Variants in ALCAM observed in about 807,000 individuals in gnomAD.
ALCAM encodes the protein CD166 antigen.
Under a neutral mutation model 70.9 loss-of-function variants are expected in ALCAM, and 30 were observed. The observed-to-expected ratio is 0.42, with a 90% CI of 0.32 to 0.57. The LOEUF (loss-of-function observed/expected upper bound fraction) is 0.57, where lower values mean the gene tolerates loss of function less well. Among genes scored for constraint, ALCAM ranks in the 20% least tolerant of loss-of-function variants. ALCAM has a pLI of 0.11. For synonymous variants in ALCAM, 249 were observed against 242.5 expected (o/e 1.03, Z -0.25); for missense variants, 591 against 695.1 (o/e 0.85, Z 1.68).
intron 1 of ALCAM, among the ~76,000 whole-genome samples, chr3:105,510,713 A>C (rs1357573627): frequency 6.6e-6 from 1 of 152,032 alleles, no homozygotes; most frequent in African/African-American, 2.4e-5. Flanking sequence ...CTGTGTAATC[A>C]GTCTACAGGT....
At chr3:105,408,174 A>C (rs1936296216) in intron 1 of ALCAM, among the ~76,000 whole-genome samples, 1 of 150,200 alleles carries the variant, frequency 6.7e-6, no homozygotes, top group African/African-American at 2.5e-5. Flanking sequence ...CCCATCAAAA[A>C]TACCACCATT....
intron 1 of ALCAM, among the ~76,000 whole-genome samples, chr3:105,515,616 G>A (rs1345285490): frequency 6.6e-6 from 1 of 151,982 alleles, no homozygotes; most frequent in Non-Finnish European, 1.5e-5. Context: ...TGGGGGAAGA[G>A]TGGTGCTGTC....
chr3:105,488,697 A>G (rs1206739707), intron 1 of ALCAM, among the ~76,000 whole-genome samples: 5 of 141,932 alleles, frequency 3.5e-5, no homozygotes, highest in African/African-American at 1.4e-4. Context: ...AGGAAAGGAA[A>G]GAAGGGAAGG....
chr3:105,541,401 T>C (rs1266399439), intron 7 of ALCAM, among the ~76,000 whole-genome samples: 1 of 151,958 alleles, frequency 6.6e-6, no homozygotes, highest in African/African-American at 2.4e-5. Context: ...GTCAATAAAA[T>C]AAAAGTCATC....
intron 1 of ALCAM, among the ~76,000 whole-genome samples, chr3:105,441,203 C>A (rs953771002): frequency 3.9e-5 from 6 of 151,908 alleles, no homozygotes; most frequent in African/African-American, 1.5e-4. Context: ...TAATATATAA[C>A]TTTTCTTGTG....
intron 1 of ALCAM, among the ~76,000 whole-genome samples, chr3:105,400,999 G>A (rs1219136147): frequency 1.3e-5 from 2 of 152,086 alleles, no homozygotes; most frequent in African/African-American, 4.8e-5. Context: ...TATTACTAAA[G>A]ACTCTTACTA....
chr3:105,512,167 T>C (rs1279295066), intron 1 of ALCAM, among the ~76,000 whole-genome samples: 1 of 152,014 alleles, frequency 6.6e-6, no homozygotes, highest in Admixed American at 6.6e-5. Context: ...AAGATAGCTT[T>C]GATTTTCTCA....
At chr3:105,552,952 T>C (rs1288292442) in intron 14 of ALCAM, 5 of 1,043,980 alleles carry the variant, frequency 4.8e-6, no homozygotes, top group Non-Finnish European at 5.8e-6. Flanking sequence ...GTACATCTTG[T>C]AGGGACTGCC....
chr3:105,573,535 G>C (rs1238686716), intron 15 of ALCAM, among the ~76,000 whole-genome samples: 2 of 152,096 alleles, frequency 1.3e-5, no homozygotes, highest in African/African-American at 4.8e-5. Context: ...CACATATGTA[G>C]AGGCATATGA....
chr3:105,453,300 G>A (rs2152592511), intron 1 of ALCAM, among the ~76,000 whole-genome samples: 1 of 152,254 alleles, frequency 6.6e-6, no homozygotes, highest in Non-Finnish European at 1.5e-5. Context: ...TGGCTAGCCG[G>A]TTTTCCCAGC....
chr3:105,562,610 T>C (rs1358694782), intron 14 of ALCAM, among the ~76,000 whole-genome samples: 1 of 152,162 alleles, frequency 6.6e-6, no homozygotes, highest in Non-Finnish European at 1.5e-5. Flanking sequence ...TCTTATAACA[T>C]TCCCATCAAG....
In ALCAM at chr3:105,436,373, C is replaced by T. The variant is rs1290991283; in HGVS notation, c.73+68892C>T. On this transcript the variant is annotated intron_variant, in intron 1 of 15. Transcript: ENST00000306107. The stretch of plus-strand genomic sequence containing the variant: ...TTTATTTATTTTTGAGACGGAGTCT[C>T]ACTGTGTCGCCCAGGCTGGAGTGCA... 2.0e-5 allele frequency among the ~76,000 whole-genome samples: 3 copies of T among 152,040 alleles called. No individual in the cohort carries two copies. The East Asian group carries it at 5.8e-4, about 29-fold the overall frequency.
At chr3:105,377,969 A>G (rs1935419844) in intron 1 of ALCAM, among the ~76,000 whole-genome samples, 1 of 152,018 alleles carries the variant, frequency 6.6e-6, no homozygotes, top group Non-Finnish European at 1.5e-5. Flanking sequence ...TTACTAAACA[A>G]ACTTCAGTTA....
At chr3:105,425,567 C>A (rs1391494429) in intron 1 of ALCAM, among the ~76,000 whole-genome samples, 4 of 151,864 alleles carry the variant, frequency 2.6e-5, no homozygotes, top group African/African-American at 9.6e-5. Context: ...TCCTGTAAAA[C>A]TACAGATGAA....
intron 14 of ALCAM, among the ~76,000 whole-genome samples, chr3:105,566,275 G>T (rs978655411): frequency 2.0e-5 from 3 of 152,226 alleles, no homozygotes; most frequent in Admixed American, 6.5e-5. Flanking sequence ...TGGTACAATT[G>T]TCTTACCAAT....
rs571993914 is a variant in ALCAM, at chr3:105,538,301, G to C, written c.731-1674G>C. 2.0e-5 allele frequency among the ~76,000 whole-genome samples: 3 copies of C among 152,182 alleles called. No individual in the cohort carries two copies. The South Asian group carries it at 6.2e-4, about 32-fold the overall frequency. ...TATATTGTAAAGTATTAATCATCAA[G>C]ACATGGTGACTGAATGGATAAGAGA... is the stretch of plus-strand genomic sequence containing the variant. On this transcript the variant is annotated intron_variant, in intron 6 of 15. Transcript: ENST00000306107.
chr3:105,417,259 C>T (rs561618248), intron 1 of ALCAM, among the ~76,000 whole-genome samples: 1 of 151,872 alleles, frequency 6.6e-6, no homozygotes, highest in Admixed American at 6.6e-5. Flanking sequence ...CTTTCCATTT[C>T]ACCCCACTGC....
At chr3:105,390,379 G>A (rs188667322) in intron 1 of ALCAM, among the ~76,000 whole-genome samples, 2 of 152,098 alleles carry the variant, frequency 1.3e-5, no homozygotes, top group Admixed American at 1.3e-4. Context: ...TATGTTTGTT[G>A]GCTGCATAAA....
chr3:105,424,386 C>A (rs1158114122), intron 1 of ALCAM, among the ~76,000 whole-genome samples: 2 of 151,476 alleles, frequency 1.3e-5, no homozygotes, highest in African/African-American at 4.8e-5. Context: ...TAGAATAGTC[C>A]GAATTTCAAA....
Sources: gnomAD v4.1 joint callset for allele counts (sites outside exome capture counted in the v4.1 genomes callset) on GRCh38, gnomAD v4.1.1 for gene constraint, MANE v1.5 for transcripts, NCBI Gene and HGNC (gene_info 2026-07-23, HGNC 2026-07-21) for gene names.